The following DENND1B variants were observed in gnomAD, a reference collection of about 807,000 sequenced individuals.
DENND1B encodes the protein DENN domain containing 1B.
Under a neutral mutation model 90.1 loss-of-function variants are expected in DENND1B, and 59 were observed. The ratio of observed to expected loss-of-function variants is 0.65; its 90% CI spans 0.53 to 0.81. The LOEUF (loss-of-function observed/expected upper bound fraction) is 0.81. DENND1B is among the 40% of genes least tolerant of loss of function. The pLI, the probability that DENND1B is intolerant of heterozygous loss-of-function variation, is 0.00. For missense variants in DENND1B, 862 were observed against 912.6 expected, an observed-to-expected ratio of 0.94 and a Z score of 0.71; for synonymous variants, 337 against 324.6, an observed-to-expected ratio of 1.04 and a Z score of -0.41.
intron 2 of DENND1B, among the ~76,000 whole-genome samples, chr1:197,766,602 A>G (rs569188409): frequency 2.0e-5 from 3 of 152,264 alleles, no homozygotes; most frequent in Non-Finnish European, 2.9e-5. Flanking sequence ...CACTGAATGA[A>G]AAGAGTTTGA....
Position 197,541,027 on chromosome 1 carries a change from T to C in DENND1B, c.1351-12A>G. ...GCATGATTTTTTGCCTAGAAAATGATAATGAATGTGCCTGGCTCAGGATGG... is the reference window on the plus strand; with the variant it reads ...GCATGATTTTTTGCCTAGAAAATGACAATGAATGTGCCTGGCTCAGGATGG... On this transcript the variant is annotated splice_polypyrimidine_tract_variant and intron_variant, in intron 18 of 22. Transcript: ENST00000620048. 6.2e-7 allele frequency: 1 copy of C among 1,612,582 alleles called. No individual in the cohort carries two copies. The highest frequency in any genetic ancestry group is 8.5e-7 in the Non-Finnish European group (1 of 1,179,086).
At chr1:197,521,871 T>C (rs538788772) in intron 20 of DENND1B, among the ~76,000 whole-genome samples, 30 of 152,170 alleles carry the variant, frequency 2.0e-4, no homozygotes, top group Middle Eastern at 3.4e-3. Context: ...GAACATTTTC[T>C]CTATTTTACA....
At chr1:197,648,745 T>G (rs1357628832) in intron 7 of DENND1B, among the ~76,000 whole-genome samples, 1 of 152,158 alleles carries the variant, frequency 6.6e-6, no homozygotes, top group Non-Finnish European at 1.5e-5. Context: ...AAGTCTAAGT[T>G]TCTCCTTAAC....
chr1:197,575,335 T>C (rs979670618), intron 15 of DENND1B, among the ~76,000 whole-genome samples: 1 of 151,910 alleles, frequency 6.6e-6, no homozygotes, highest in Non-Finnish European at 1.5e-5. Flanking sequence ...GAAAAAAGGG[T>C]CATCATCACT....
At chr1:197,652,107 G>C (rs16841851) in intron 7 of DENND1B, 128 bp downstream of exon 7, 15,477 of 684,072 alleles carry the variant, frequency 0.023, 252 homozygotes, top group Middle Eastern at 0.031. Flanking sequence ...TGTTATGTTA[G>C]TACTAGCAAT....
intron 15 of DENND1B, among the ~76,000 whole-genome samples, chr1:197,575,735 T>C (rs1673617712): frequency 6.6e-6 from 1 of 152,216 alleles, no homozygotes; most frequent in Non-Finnish European, 1.5e-5. Flanking sequence ...ATATACGTCA[T>C]GGAATACTAT....
At chr1:197,528,153 TTCTTA>T (rs1669279822) in intron 20 of DENND1B, among the ~76,000 whole-genome samples, 1 of 152,196 alleles carries the variant, frequency 6.6e-6, no homozygotes, top group African/African-American at 2.4e-5. Context: ...AGATATTCTT[TTCTTA>T]TAAGTTTCAC....
intron 20 of DENND1B, among the ~76,000 whole-genome samples, chr1:197,526,966 G>A (rs556935786): frequency 6.6e-6 from 1 of 152,086 alleles, no homozygotes; most frequent in South Asian, 2.1e-4. Flanking sequence ...GTCCACTAGA[G>A]GGCACCCTTG....
chr1:197,764,421 C>T (rs1055867577), intron 2 of DENND1B, among the ~76,000 whole-genome samples: 2 of 152,140 alleles, frequency 1.3e-5, no homozygotes, highest in Non-Finnish European at 2.9e-5. Flanking sequence ...AAATAAGGTC[C>T]TGTAACCATG....
At chr1:197,731,483 T>C (rs967742759) in intron 2 of DENND1B, among the ~76,000 whole-genome samples, 3 of 152,144 alleles carry the variant, frequency 2.0e-5, no homozygotes, top group African/African-American at 7.2e-5. Flanking sequence ...AGTCTAAAAC[T>C]TTCAGTAGTA....
At chr1:197,569,906 T>C (rs1486146814) in intron 15 of DENND1B, among the ~76,000 whole-genome samples, 1 of 152,072 alleles carries the variant, frequency 6.6e-6, no homozygotes, top group African/African-American at 2.4e-5. Flanking sequence ...TACTTGAAGA[T>C]TGCTAGGAGA....
chr1:197,683,079 T>C (rs1278470656), intron 3 of DENND1B, among the ~76,000 whole-genome samples: 1 of 152,088 alleles, frequency 6.6e-6, no homozygotes, highest in African/African-American at 2.4e-5. Flanking sequence ...GGATATTAAA[T>C]AGATTAACCA....
chr1:197,756,989 A>T (rs1057215449), intron 2 of DENND1B, among the ~76,000 whole-genome samples: 5 of 149,794 alleles, frequency 3.3e-5, no homozygotes, highest in Non-Finnish European at 4.4e-5. Context: ...AAATATATTT[A>T]TATATATATA....
chr1:197,763,843 T>C (rs894444630), intron 2 of DENND1B, among the ~76,000 whole-genome samples: 1 of 152,208 alleles, frequency 6.6e-6, no homozygotes, highest in Non-Finnish European at 1.5e-5. Context: ...CCACAGCCTT[T>C]ACTACTCTTA....
At chr1:197,665,014 C>G (rs2125970137) in intron 5 of DENND1B, among the ~76,000 whole-genome samples, 1 of 152,130 alleles carries the variant, frequency 6.6e-6, no homozygotes, top group South Asian at 2.1e-4. Context: ...TGAAACAATT[C>G]TAAATACAAA....
chr1:197,780,111 C>T (rs774246295), upstream of DENND1B, among the ~76,000 whole-genome samples: 1 of 152,128 alleles, frequency 6.6e-6, no homozygotes, highest in Non-Finnish European at 1.5e-5. Flanking sequence ...AGCTATGAAT[C>T]CTCTGGGAAG....
chr1:197,672,452 A>C (rs1021804031), intron 4 of DENND1B, among the ~76,000 whole-genome samples: 10 of 152,082 alleles, frequency 6.6e-5, no homozygotes, highest in Admixed American at 1.3e-4. Context: ...ATATTTCATA[A>C]ATTATCAAAA....
At chr1:197,513,059 A>T (rs1042838684) in intron 20 of DENND1B, 106 bp from the exon 21 acceptor site, 2 of 830,256 alleles carry the variant, frequency 2.4e-6, no homozygotes, top group Non-Finnish European at 3.7e-6. Context: ...TTTTGCAAGA[A>T]ATATGCATTC....
rs201803092 is a variant in DENND1B at position 197,594,198 on chromosome 1, TC to T, written c.1047+1009del. Reference sequence around the variant, plus strand: ...CGGATCTGCCCATGCATTTAAGGAATCCTTCCAATAATTAGATGACCTTTTA... The same window carrying T: ...CGGATCTGCCCATGCATTTAAGGAATCTTCCAATAATTAGATGACCTTTTA... On this transcript the variant is annotated intron_variant, in intron 14 of 22. Coordinates refer to ENST00000620048, the MANE Select transcript of DENND1B (RefSeq NM_001195215.2). Among the ~76,000 whole-genome samples, 894 of 152,238 alleles carry T rather than the reference TC, an allele frequency of 5.9e-3. 12 individuals are homozygous for T. Among genetic ancestry groups the T allele is most frequent in the African/African-American group, 0.02 (836 of 41,572 alleles).
Sources: allele counts gnomAD v4.1 joint callset (sites outside exome capture counted in the v4.1 genomes callset), GRCh38; gene constraint gnomAD v4.1.1; transcripts MANE v1.5; gene names NCBI Gene and HGNC (gene_info 2026-07-23, HGNC 2026-07-21).